Variants in FIG4 observed in about 807,000 individuals in gnomAD.
The protein encoded by FIG4 is FIG4 phosphoinositide 5-phosphatase.
In FIG4, 112 loss-of-function variants were observed where a neutral mutation model predicts 118.6. The ratio of observed to expected loss-of-function variants is 0.94; its 90% confidence interval spans 0.81 to 1.11. FIG4 has a LOEUF of 1.11. Among genes scored for constraint, FIG4 ranks in the 50% least tolerant of loss-of-function variants. The pLI, the probability that FIG4 is intolerant of heterozygous loss-of-function variation, is 0.00. For synonymous variants in FIG4, 369 were observed against 381.2 expected (o/e 0.97, Z 0.37); for missense variants, 969 against 1,111.7 (o/e 0.87, Z 1.83).
At chr6:109,692,688 A>G (rs1774533041) in intron 1 of FIG4, among the ~76,000 whole-genome samples, 1 of 152,090 alleles carries the variant, frequency 6.6e-6, no homozygotes, top group South Asian at 2.1e-4. Flanking sequence ...CATTAGAAAC[A>G]TAAATAACTT....
Position 109,765,106 on chromosome 6 carries a change from T to C in FIG4, c.1528T>C (p.Tyr510His), listed in dbSNP as rs1777241581. 1.9e-6 allele frequency: 3 copies of C among 1,613,960 alleles called. No homozygotes were observed. Among genetic ancestry groups the C allele is most frequent in the Admixed American group, 1.7e-5 (1 of 60,028 alleles). ...AAAATGTGCTCTGGCCTATCAGCTG[T>C]ATTCACTGGGACTGATTGACAAACC... ...VGKCALAYQL[Y>H]SLGLIDKPNL... The change falls in exon 14 of 23, where the codon TAT (tyrosine) becomes CAT (histidine). Residue 510 changes from tyrosine to histidine, a missense_variant. Around this residue, in one of 3 missense-constraint regions of FIG4, gnomAD observed 246 missense variants for 354.3 expected, o/e 0.69. Transcript: ENST00000230124.
chr6:109,756,369 A>AT (rs1467012959), intron 10 of FIG4, among the ~76,000 whole-genome samples: 2 of 151,916 alleles, frequency 1.3e-5, no homozygotes, highest in African/African-American at 4.8e-5. Flanking sequence ...TGCCCTTAAC[A>AT]TTTTTTCCTT....
At chr6:109,777,161 T>A (rs1211823694) in intron 16 of FIG4, 101 bp downstream of exon 16, 1 of 1,158,348 alleles carries the variant, frequency 8.6e-7, no homozygotes, top group African/African-American at 1.6e-5. Context: ...ATAGTCAGTT[T>A]TATTTTATTT....
chr6:109,691,731 A>C (rs1774434337), intron 1 of FIG4, among the ~76,000 whole-genome samples: 1 of 152,130 alleles, frequency 6.6e-6, no homozygotes, highest in Non-Finnish European at 1.5e-5. Flanking sequence ...CTTACAAGCC[A>C]TGGCTGGAAC....
rs143645617 is a variant in FIG4, at chr6:109,693,210, T to A, written c.66+1709T>A. On this transcript the variant is annotated intron_variant, in intron 1 of 22. Transcript: ENST00000230124. ...ATCTAGTTTTACATCTAATTTAATA[T>A]CAATTAATGAAACATTTATTGAGGA... 1.2e-3 allele frequency among the ~76,000 whole-genome samples: 176 copies of A among 152,350 alleles called. 2 individuals carry two copies. The highest frequency in any genetic ancestry group is 3.4e-3 in the Middle Eastern group (1 of 294).
At chr6:109,751,529 G>A (rs13197056) in intron 10 of FIG4, among the ~76,000 whole-genome samples, 34,837 of 152,052 alleles carry the variant, frequency 0.23, 4,230 homozygotes, top group Middle Eastern at 0.33. Context: ...ATTTGGCTGT[G>A]AATCTATCTG....
At chr6:109,754,485 C>T (rs1776816887) in intron 10 of FIG4, among the ~76,000 whole-genome samples, 2 of 152,276 alleles carry the variant, frequency 1.3e-5, no homozygotes, top group South Asian at 4.1e-4. Context: ...ACCTCTTTTT[C>T]TATTGATTGG....
chr6:109,764,544 C>G (rs531048402), intron 13 of FIG4, among the ~76,000 whole-genome samples: 1 of 151,436 alleles, frequency 6.6e-6, no homozygotes, highest in African/African-American at 2.4e-5. Context: ...CAAACAAGAA[C>G]ATGAAAAGAA....
intron 1 of FIG4, among the ~76,000 whole-genome samples, chr6:109,709,688 T>C (rs1463889344): frequency 6.6e-6 from 1 of 152,244 alleles, no homozygotes; most frequent in Non-Finnish European, 1.5e-5. Flanking sequence ...CCTAGTTAGC[T>C]GTATTCCTAG....
chr6:109,787,611 A>G (rs1175730380), intron 18 of FIG4, among the ~76,000 whole-genome samples: 2 of 152,208 alleles, frequency 1.3e-5, no homozygotes, highest in Non-Finnish European at 2.9e-5. Flanking sequence ...GATGTCGGAA[A>G]AAACAACATT....
intron 15 of FIG4, among the ~76,000 whole-genome samples, chr6:109,768,157 A>AGGGT (rs1382929836): frequency 2.0e-5 from 3 of 152,094 alleles, no homozygotes; most frequent in Non-Finnish European, 4.4e-5. Flanking sequence ...CTCGTGGAGG[A>AGGGT]GGGTGCCAGC....
chr6:109,764,333 G>A (rs1777212829), intron 13 of FIG4, among the ~76,000 whole-genome samples: 1 of 151,966 alleles, frequency 6.6e-6, no homozygotes, highest in Non-Finnish European at 1.5e-5. Context: ...AGCTACTTGG[G>A]AGTCTGAGGC....
intron 13 of FIG4, among the ~76,000 whole-genome samples, chr6:109,764,545 A>G (rs550745951): frequency 6.6e-6 from 1 of 152,328 alleles, no homozygotes; most frequent in South Asian, 2.1e-4. Flanking sequence ...AAACAAGAAC[A>G]TGAAAAGAAT....
chr6:109,810,545 C>T (rs190008434), intron 22 of FIG4, among the ~76,000 whole-genome samples: 54 of 152,292 alleles, frequency 3.5e-4, no homozygotes, highest in African/African-American at 1.2e-3. Flanking sequence ...GTTTAAGTCA[C>T]GTGAAGGGTA....
At chr6:109,697,833 A>G (rs1774776433) in intron 1 of FIG4, among the ~76,000 whole-genome samples, 1 of 152,178 alleles carries the variant, frequency 6.6e-6, no homozygotes, top group Non-Finnish European at 1.5e-5. Flanking sequence ...CATCCTTTGA[A>G]AAAACTAGTT....
intron 18 of FIG4, among the ~76,000 whole-genome samples, chr6:109,787,922 A>G (rs1437502070): frequency 1.3e-5 from 2 of 152,122 alleles, no homozygotes; most frequent in African/African-American, 4.8e-5. Context: ...CCTGCCTTAT[A>G]ATGATTCAAC....
chr6:109,809,863 G>T (rs1778671984), intron 22 of FIG4, among the ~76,000 whole-genome samples: 1 of 152,160 alleles, frequency 6.6e-6, no homozygotes, highest in African/African-American at 2.4e-5. Context: ...GATTGCAGAT[G>T]GGCAAGCTCC....
At chr6:109,820,525 A>G (rs1403067856) in intron 22 of FIG4, among the ~76,000 whole-genome samples, 2 of 152,140 alleles carry the variant, frequency 1.3e-5, no homozygotes, top group African/African-American at 4.8e-5. Context: ...GAGCTGGGAA[A>G]GAGCTTCTCT....
chr6:109,798,921 A>G (rs1004533489), intron 22 of FIG4, among the ~76,000 whole-genome samples: 4 of 152,130 alleles, frequency 2.6e-5, no homozygotes, highest in Non-Finnish European at 5.9e-5. Flanking sequence ...GAATTGAAAT[A>G]GATATGTCCA....
Sources: gnomAD v4.1 joint callset for allele counts (sites outside exome capture counted in the v4.1 genomes callset) on GRCh38, gnomAD v4.1.1 for gene constraint, gnomAD v4.1.1 regional missense constraint, MANE v1.5 for transcripts, NCBI Gene and HGNC (gene_info 2026-07-23, HGNC 2026-07-21) for gene names.